Variants in TMPRSS15 observed in about 807,000 individuals in gnomAD.
The protein encoded by TMPRSS15 is transmembrane serine protease 15.
In TMPRSS15, 128 loss-of-function variants were observed where a neutral mutation model predicts 125.3. The ratio of observed to expected loss-of-function variants is 1.02; its 90% CI spans 0.89 to 1.18. The LOEUF (loss-of-function observed/expected upper bound fraction) is 1.18. Among genes scored for constraint, TMPRSS15 ranks in the 50% most tolerant of loss-of-function variants. The pLI is 0.00. For missense variants in TMPRSS15, 1,283 were observed against 1,212.7 expected (o/e 1.06, Z -0.86); for synonymous variants, 446 against 423.2 (o/e 1.05, Z -0.66).
intron 21 of TMPRSS15, among the ~76,000 whole-genome samples, chr21:18,293,528 G>C (rs2074863431): frequency 6.6e-6 from 1 of 152,120 alleles, no homozygotes; most frequent in Non-Finnish European, 1.5e-5. Context: ...AGAACCATGT[G>C]ACTATCTAGA....
chr21:18,347,389 A>T (rs902399686), intron 10 of TMPRSS15, among the ~76,000 whole-genome samples: 1 of 152,042 alleles, frequency 6.6e-6, no homozygotes, highest in Admixed American at 6.5e-5. Flanking sequence ...GGCTCACGCC[A>T]CCATGGCTGG....
chr21:18,454,914 T>C (rs1013619326), intron 1 of TMPRSS15, among the ~76,000 whole-genome samples: 4 of 152,162 alleles, frequency 2.6e-5, no homozygotes, highest in African/African-American at 9.7e-5. Context: ...CAAATTTAAC[T>C]ATCACAGTAT....
chr21:18,404,559 T>C (rs753767786), upstream of TMPRSS15, among the ~76,000 whole-genome samples: 5 of 152,144 alleles, frequency 3.3e-5, no homozygotes, highest in Admixed American at 6.6e-5. Flanking sequence ...CGGTTTAGCA[T>C]TGGGATTATT....
chr21:18,286,214 T>C lies in TMPRSS15; in HGVS notation c.2487-4993A>G, dbSNP rs565252262. On this transcript the variant is annotated intron_variant, in intron 21 of 24. Coordinates refer to ENST00000284885, the MANE Select transcript of TMPRSS15 (RefSeq NM_002772.3). ...TTTTTTCTCCCCCAGGTCTTTTTTG[T>C]TCATCTTAAACTCTAAATTTTAGAA... Among the ~76,000 whole-genome samples, 9 of 152,328 alleles carry C rather than the reference T, an allele frequency of 5.9e-5. 1 individual carries two copies. In the South Asian group the frequency reaches 8.3e-4, roughly 14 times the overall value.
chr21:18,396,158 A>G (rs1050843417), intron 3 of TMPRSS15, among the ~76,000 whole-genome samples: 1 of 152,112 alleles, frequency 6.6e-6, no homozygotes, highest in Non-Finnish European at 1.5e-5. Flanking sequence ...CCTGTTCCAG[A>G]TTTACTGTCA....
chr21:18,376,660 G>A (rs1179049498), intron 5 of TMPRSS15, among the ~76,000 whole-genome samples: 1 of 152,162 alleles, frequency 6.6e-6, no homozygotes, highest in East Asian at 1.9e-4. Context: ...ACAAGCTGTA[G>A]TGTAGAAATC....
chr21:18,321,320 C>CAAGTGAAG (rs2075232068), intron 16 of TMPRSS15, among the ~76,000 whole-genome samples: 1 of 149,360 alleles, frequency 6.7e-6, no homozygotes, highest in Non-Finnish European at 1.5e-5. Flanking sequence ...CTCCAGAAGA[C>CAAGTGAAG]AAGTGAAGCA....
rs377544932 is a variant in TMPRSS15, at chr21:18,365,123, A to G, written c.773+17T>C. The G allele has an allele frequency of 1.8e-4, 293 of 1,597,822 alleles. No homozygotes were observed. The highest frequency in any genetic ancestry group is 3.2e-4 in the Admixed American group (19 of 59,986). On this transcript the variant is annotated intron_variant, in intron 7 of 24. Transcript: ENST00000284885. ...GCTTTATGACTTAAGAACAGAAAAT[A>G]TAAGATCTTGTATTACCGTATGATC...
intron 1 of TMPRSS15, among the ~76,000 whole-genome samples, chr21:18,484,989 C>A (rs1407300866): frequency 4.6e-5 from 7 of 151,836 alleles, no homozygotes; most frequent in Non-Finnish European, 1.0e-4. Context: ...GTAGAACTGT[C>A]ACCTTTCTGA....
At chr21:18,380,600 GT>G (rs752324596) in intron 4 of TMPRSS15, 6 of 470,616 alleles carry the variant, frequency 1.3e-5, no homozygotes, top group African/African-American at 1.2e-4. Flanking sequence ...ATAACGTAAA[GT>G]TGATTTAACA....
chr21:18,310,251 T>C (rs2075085465), intron 18 of TMPRSS15, among the ~76,000 whole-genome samples: 1 of 152,048 alleles, frequency 6.6e-6, no homozygotes, highest in Admixed American at 6.6e-5. Context: ...GCATCCAAAT[T>C]GGAAAGAAGG....
rs139297629 is a variant in TMPRSS15 at position 18,449,605 on chromosome 21, G to C, written c.10+36194C>G. Reference sequence around the variant, plus strand: ...TGAACCTCCTTCTGTAGGCATTTGTGACTGCCTATGAGCTAAATCATGTAC... The same window carrying C: ...TGAACCTCCTTCTGTAGGCATTTGTCACTGCCTATGAGCTAAATCATGTAC... On this transcript the variant is annotated intron_variant, in intron 1 of 7. Transcript: ENST00000422787. Among the ~76,000 whole-genome samples the C allele has an allele frequency of 3.0e-4, 45 of 152,118 alleles. No individual in the cohort carries two copies. In the East Asian group the frequency reaches 8.3e-3, roughly 28 times the overall value.
chr21:18,358,088 G>A (rs1190838982), intron 8 of TMPRSS15, among the ~76,000 whole-genome samples: 1 of 151,388 alleles, frequency 6.6e-6, no homozygotes, highest in African/African-American at 2.4e-5. Context: ...GCAATTAATT[G>A]CATATTAGTC....
intron 1 of TMPRSS15, among the ~76,000 whole-genome samples, chr21:18,442,513 A>G (rs546232191): frequency 1.3e-5 from 2 of 152,320 alleles, no homozygotes; most frequent in African/African-American, 4.8e-5. Context: ...ATTCAAAGTA[A>G]TCAATGCTAG....
intron 1 of TMPRSS15, among the ~76,000 whole-genome samples, chr21:18,426,650 T>C (rs1236467178): frequency 6.6e-6 from 1 of 152,240 alleles, no homozygotes; most frequent in African/African-American, 2.4e-5. Context: ...AGGACTTTAG[T>C]AATGTCAACA....
rs13046308 is a variant in TMPRSS15 at position 18,433,817 on chromosome 21, T to C, written c.11-35488A>G. On this transcript the variant is annotated intron_variant, in intron 1 of 7. Coordinates refer to the TMPRSS15 transcript ENST00000422787. ...TTTCCTAAAATGTTATGATGAGTAG[T>C]TTGTTTTGGAGTTTTGCAGATAAAC... is the stretch of plus-strand genomic sequence containing the variant. Among the ~76,000 whole-genome samples the C allele has an allele frequency of 5.8e-3, 888 of 152,236 alleles. 4 individuals are homozygous for C. The highest frequency in any genetic ancestry group is 0.01 in the Non-Finnish European group (683 of 68,022).
intron 3 of TMPRSS15, among the ~76,000 whole-genome samples, chr21:18,389,291 A>G (rs2073015290): frequency 6.6e-6 from 1 of 151,824 alleles, no homozygotes; most frequent in South Asian, 2.1e-4. Context: ...GGAAGATTAA[A>G]CCTTTTTGCA....
intron 7 of TMPRSS15, among the ~76,000 whole-genome samples, chr21:18,363,381 T>C (rs754929623): frequency 2.6e-5 from 4 of 152,086 alleles, no homozygotes; most frequent in Non-Finnish European, 5.9e-5. Flanking sequence ...TATAGGATAA[T>C]TTTTGCGTAA....
intron 1 of TMPRSS15, among the ~76,000 whole-genome samples, chr21:18,419,966 T>C (rs1032936518): frequency 6.6e-6 from 1 of 152,176 alleles, no homozygotes; most frequent in South Asian, 2.1e-4. Flanking sequence ...GGACACACAA[T>C]GTGAACAAGA....
Sources: allele counts gnomAD v4.1 joint callset (sites outside exome capture counted in the v4.1 genomes callset), GRCh38; gene constraint gnomAD v4.1.1; transcripts MANE v1.5; gene names NCBI Gene and HGNC (gene_info 2026-07-23, HGNC 2026-07-21).